RNF125: variants seen among roughly 807,000 people sequenced by gnomAD.
The protein encoded by RNF125 is ring finger protein 125.
In RNF125, 21 loss-of-function variants were observed where a neutral mutation model predicts 26.0. The observed-to-expected ratio is 0.81, with a 90% CI of 0.57 to 1.16. The LOEUF (loss-of-function observed/expected upper bound fraction) is 1.16. Among genes scored for constraint, RNF125 ranks in the 50% most tolerant of loss-of-function variants. RNF125 has a pLI of 0.00. For missense variants in RNF125, 270 were observed against 299.4 expected, an observed-to-expected ratio of 0.90 and a Z score of 0.72; for synonymous variants, 95 against 109.2, an observed-to-expected ratio of 0.87 and a Z score of 0.81.
In RNF125 at chr18:32,072,945, T is replaced by C. The variant is rs1305826452; in HGVS notation, c.*4561T>C. The C allele has an allele frequency of 1.3e-5, 2 of 152,254 alleles. No homozygotes were observed. Among genetic ancestry groups the C allele is most frequent in the Non-Finnish European group, 1.5e-5 (1 of 68,044 alleles). 9.4% of individuals were successfully genotyped at this position (152,254 alleles called of 1,614,324 possible). ...TGATGTTTAATTTCATTACTGTTACTGGGTGCCAAGTGTCTTTCATTTGGA... is the reference window on the plus strand; with the variant it reads ...TGATGTTTAATTTCATTACTGTTACCGGGTGCCAAGTGTCTTTCATTTGGA... On this transcript the variant is annotated 3_prime_UTR_variant, in exon 6 of 6. Transcript: ENST00000217740.
intron 3 of RNF125, 79 bp from the exon 4 acceptor site, chr18:32,045,561 CAA>C (rs113849815): frequency 6.5e-4 from 463 of 714,308 alleles, no homozygotes; most frequent in South Asian, 1.1e-3. Flanking sequence ...ACTCTTGTCT[CAA>C]AAAAAAAAAG....
intron 4 of RNF125, 53 bp from the exon 5 acceptor site, chr18:32,065,843 TCTAACA>T: frequency 3.2e-6 from 4 of 1,262,126 alleles, no homozygotes; most frequent in Middle Eastern, 1.9e-4. Context: ...TGTTTTTAAT[TCTAACA>T]CTAATAACGA....
In RNF125 at chr18:32,065,929, G is replaced by A. The variant is rs201378700; in HGVS notation, c.532G>A (p.Asp178Asn). The A allele has an allele frequency of 6.6e-5, 107 of 1,613,368 alleles. No individual in the cohort carries two copies. Among genetic ancestry groups the A allele is most frequent in the African/African-American group, 1.3e-4 (10 of 74,890 alleles). Residue 178 changes from aspartate (D) to asparagine (N), a missense_variant, in exon 5 of 6, where the codon GAT becomes AAT. Asp to Asn is a conservative substitution (Grantham distance 23). Coordinates refer to ENST00000217740, the MANE Select transcript of RNF125 (RefSeq NM_017831.4). Reference protein sequence around the residue: ...VFCPLCRLIPDENPSSFSGSL... With the variant: ...VFCPLCRLIPNENPSSFSGSL... Reference sequence around the variant, plus strand: ...CTGTCCACTTTGCCGTTTAATACCCGATGAGAATCCAAGCAGCTTCAGTGG... The same window carrying A: ...CTGTCCACTTTGCCGTTTAATACCCAATGAGAATCCAAGCAGCTTCAGTGG...
rs1365077050 is a variant in RNF125, at chr18:32,063,996, C to CA, written c.505-1906_505-1905insA. Among the ~76,000 whole-genome samples the CA allele has an allele frequency of 1.1e-4, 16 of 144,988 alleles. No homozygotes were observed. The Admixed American group carries it at 1.1e-3, about 10-fold the overall frequency. On this transcript the variant is annotated intron_variant, in intron 4 of 5. Transcript: ENST00000217740. ...TTTTTTTTTTTTAATCCATCAAGTC[C>CA]TTTTTTTTTTCTTTTTGAGACAGGG... is the stretch of plus-strand genomic sequence containing the variant.
intron 4 of RNF125, among the ~76,000 whole-genome samples, chr18:32,060,809 T>G (rs2039427417): frequency 6.6e-6 from 1 of 152,206 alleles, no homozygotes; most frequent in Non-Finnish European, 1.5e-5. Flanking sequence ...TTGACAGATG[T>G]GTCTTTAGTC....
At chr18:32,066,346 C>A (rs1343347413) in intron 5 of RNF125, among the ~76,000 whole-genome samples, 1 of 151,910 alleles carries the variant, frequency 6.6e-6, no homozygotes, top group Non-Finnish European at 1.5e-5. Flanking sequence ...GTAGTCCCAG[C>A]TACTCGGTAG....
At position 32,040,269 on chromosome 18, in the gene RNF125, CTTTTTTTTTTTTT is replaced by C. The variant is rs1185186501; in HGVS notation, c.319-1902_319-1890del. Among the ~76,000 whole-genome samples, 383 of 104,482 alleles carry C rather than the reference CTTTTTTTTTTTTT, an allele frequency of 3.7e-3. 2 individuals carry two copies. Among genetic ancestry groups the C allele is most frequent in the South Asian group, 5.7e-3 (17 of 2,970 alleles). The allele number at this position is 104,482 out of a possible 152,430, so 68.5% of individuals were successfully genotyped here. A position where few individuals can be genotyped will look rare whatever the true frequency, so the allele number is the denominator to read the frequency against. ...GTTCCCTATATCAAACAATTTCTTT[CTTTTTTTTTTTTT>C]TTTTTTTGAGACAGAGTCTTGCTCT... On this transcript the variant is annotated intron_variant, in intron 2 of 5. Coordinates refer to ENST00000217740, the MANE Select transcript of RNF125 (RefSeq NM_017831.4).
the RNF125 span, among the ~76,000 whole-genome samples, chr18:32,083,017 T>G: frequency 3.3e-5 from 5 of 152,254 alleles, no homozygotes; most frequent in Non-Finnish European, 7.3e-5. Context: ...GAGCTCTCAC[T>G]GTTGCAAAGT....
At chr18:32,052,336 T>C (rs1324927145) in intron 4 of RNF125, among the ~76,000 whole-genome samples, 1 of 151,678 alleles carries the variant, frequency 6.6e-6, no homozygotes, top group Admixed American at 6.6e-5. Flanking sequence ...CTACTAAATA[T>C]ACAAAAATTA....
chr18:32,023,905 C>T (rs978036678), intron 1 of RNF125, among the ~76,000 whole-genome samples: 3 of 152,092 alleles, frequency 2.0e-5, no homozygotes, highest in Admixed American at 6.6e-5. Flanking sequence ...ACACAAAAGT[C>T]TTGTTCAAAA....
intron 2 of RNF125, among the ~76,000 whole-genome samples, chr18:32,040,587 C>T (rs1453173623): frequency 6.6e-6 from 1 of 152,092 alleles, no homozygotes; most frequent in Non-Finnish European, 1.5e-5. Context: ...CAAACAATTC[C>T]TTATCTACTT....
chr18:32,066,420 C>A (rs899763124), intron 5 of RNF125, among the ~76,000 whole-genome samples: 1 of 151,598 alleles, frequency 6.6e-6, no homozygotes, highest in African/African-American at 2.4e-5. Flanking sequence ...GATCACACCA[C>A]TCCACTCCAG....
chr18:32,053,676 G>A (rs955112201), intron 4 of RNF125, among the ~76,000 whole-genome samples: 2 of 151,998 alleles, frequency 1.3e-5, no homozygotes. Context: ...TAGGAGGCAG[G>A]AGGATTGCTT....
At chr18:32,075,931 G>A (rs954467270), downstream of RNF125, 67 of 1,512,980 alleles carry the variant, frequency 4.4e-5, no homozygotes, top group African/African-American at 7.1e-4. Context: ...TTTCGTCTTT[G>A]CTTCTTCATG....
At chr18:32,087,266 G>T in the RNF125 span, among the ~76,000 whole-genome samples, 55 of 151,010 alleles carry the variant, frequency 3.6e-4, no homozygotes, top group Middle Eastern at 3.4e-3. Context: ...ATTTGCTGGA[G>T]CAATATCCTT....
chr18:32,041,620 C>CTTTTTT (rs60264747), intron 2 of RNF125, among the ~76,000 whole-genome samples: 4 of 93,280 alleles, frequency 4.3e-5, no homozygotes, highest in Non-Finnish European at 4.2e-5. Context: ...AATGTAGATG[C>CTTTTTT]TTTTTTTTTT....
At chr18:32,037,458 G>A (rs1427566928) in intron 2 of RNF125, among the ~76,000 whole-genome samples, 189 bp downstream of exon 2, 1 of 132,338 alleles carries the variant, frequency 7.6e-6, no homozygotes. Context: ...TGCAACCTCC[G>A]CCTCCCAGGT....
rs138737790 is a variant in RNF125, at chr18:32,021,376, G to A, written c.164+2349G>A. ...ATTACAGGCGTGAGCCATGGAGCCC[G>A]GCCGTAGCTGTATTTTCAAGGCCTG... On this transcript the variant is annotated intron_variant, in intron 1 of 5. Coordinates refer to ENST00000217740, the MANE Select transcript of RNF125 (RefSeq NM_017831.4). Among the ~76,000 whole-genome samples the A allele has an allele frequency of 9.0e-3, 1,363 of 152,284 alleles. 67 individuals are homozygous for A. The highest frequency in any genetic ancestry group is 0.075 in the Admixed American group (1,154 of 15,294).
chr18:32,060,714 C>T lies in RNF125; in HGVS notation c.505-5188C>T, dbSNP rs554289153. 2.6e-4 allele frequency among the ~76,000 whole-genome samples: 39 copies of T among 152,332 alleles called. 1 individual carries two copies. Among genetic ancestry groups the T allele is most frequent in the South Asian group, 2.1e-4 (1 of 4,834 alleles). ...CTCCTTCCTATTCTTACCCTCTCTT[C>T]CCTCAGGTTTAATCTCCCAATTTAA... On this transcript the variant is annotated intron_variant, in intron 4 of 5. Coordinates refer to ENST00000217740, the MANE Select transcript of RNF125 (RefSeq NM_017831.4).
Sources: allele counts gnomAD v4.1 joint callset (sites outside exome capture counted in the v4.1 genomes callset), GRCh38; gene constraint gnomAD v4.1.1; transcripts MANE v1.5; gene names NCBI Gene and HGNC (gene_info 2026-07-23, HGNC 2026-07-21).